Variants in CIMAP2 observed in about 807,000 individuals in gnomAD.
The protein encoded by CIMAP2 is ciliary microtubule associated protein 2.
chr1:54,826,388 G>T, the CIMAP2 span, among the ~76,000 whole-genome samples: 1 of 152,178 alleles, frequency 6.6e-6, no homozygotes. Context: ...CGCACTGCTG[G>T]GTCCAGCTGG....
At chr1:54,827,365 T>C in the CIMAP2 span, among the ~76,000 whole-genome samples, 1 of 152,220 alleles carries the variant, frequency 6.6e-6, no homozygotes, top group Non-Finnish European at 1.5e-5. Context: ...GTCTATATGC[T>C]GTTTGCTTAG....
chr1:54,811,766 C>CGGGCGGGG, the CIMAP2 span: 2 of 1,305,186 alleles, frequency 1.5e-6, no homozygotes, highest in Non-Finnish European at 2.2e-6. Flanking sequence ...GTTCTGACAG[C>CGGGCGGGG]CTCCATGCCC....
At chr1:54,841,780 A>AT in the CIMAP2 span, 12 of 1,603,264 alleles carry the variant, frequency 7.5e-6, no homozygotes, top group Admixed American at 8.6e-5. Flanking sequence ...TCCTTTTTTA[A>AT]TTTTTTCTGT....
At chr1:54,811,773 G>GTCCCC in the CIMAP2 span, 9 of 1,325,052 alleles carry the variant, frequency 6.8e-6, no homozygotes, top group South Asian at 2.6e-5. Flanking sequence ...CAGCCTCCAT[G>GTCCCC]CCCCCACCCC....
the CIMAP2 span, chr1:54,806,282 A>G: frequency 4.2e-6 from 6 of 1,422,788 alleles, no homozygotes; most frequent in Non-Finnish European, 5.5e-6. Context: ...GCCCACCCCG[A>G]AGCCACGCTT....
chr1:54,840,708 GAAT>G, the CIMAP2 span, among the ~76,000 whole-genome samples: 1 of 152,174 alleles, frequency 6.6e-6, no homozygotes, highest in Non-Finnish European at 1.5e-5. Flanking sequence ...ATTATGGTTT[GAAT>G]TTGCATTTCT....
chr1:54,839,634 T>C, the CIMAP2 span, among the ~76,000 whole-genome samples: 1 of 152,130 alleles, frequency 6.6e-6, no homozygotes, highest in African/African-American at 2.4e-5. Context: ...TGCCTTGGCC[T>C]CCCAAAGTGC....
At chr1:54,836,531 G>T in the CIMAP2 span, among the ~76,000 whole-genome samples, 3 of 151,890 alleles carry the variant, frequency 2.0e-5, no homozygotes, top group Non-Finnish European at 4.4e-5. Context: ...TGGGGGTAGG[G>T]GGTGGGGGAG....
chr1:54,820,270 C>G, the CIMAP2 span, among the ~76,000 whole-genome samples: 1 of 151,764 alleles, frequency 6.6e-6, no homozygotes, highest in African/African-American at 2.4e-5. Flanking sequence ...CAGGCTCAAG[C>G]AATTCCCCAA....
the CIMAP2 span, among the ~76,000 whole-genome samples, chr1:54,822,575 C>CT: frequency 6.6e-6 from 1 of 152,128 alleles, no homozygotes; most frequent in Admixed American, 6.5e-5. Flanking sequence ...GTTAGCACTG[C>CT]TTTTGCTGTA....
chr1:54,808,337 C>A, the CIMAP2 span, among the ~76,000 whole-genome samples: 2 of 152,162 alleles, frequency 1.3e-5, no homozygotes, highest in African/African-American at 2.4e-5. Flanking sequence ...GTAGTCAGGG[C>A]TCTGGGAGGA....
the CIMAP2 span, among the ~76,000 whole-genome samples, chr1:54,841,051 T>C: frequency 1.5e-4 from 23 of 152,188 alleles, no homozygotes; most frequent in African/African-American, 5.5e-4. Flanking sequence ...TGGTGAGGAA[T>C]GGAGAGACAG....
chr1:54,807,083 G>A, the CIMAP2 span: 5 of 1,612,804 alleles, frequency 3.1e-6, no homozygotes, highest in South Asian at 3.3e-5. Context: ...CTACCCAAGT[G>A]GTGAGTTTGC....
the CIMAP2 span, chr1:54,806,122 G>A: frequency 1.9e-6 from 3 of 1,538,730 alleles, no homozygotes; most frequent in Non-Finnish European, 2.6e-6. Context: ...CTGCCATGAG[G>A]GAAAGCCAGG....
chr1:54,807,065 G>T, the CIMAP2 span: 14 of 1,613,722 alleles, frequency 8.7e-6, no homozygotes, highest in South Asian at 1.4e-4. Context: ...CATACTCCAC[G>T]CGTTATTCTA....
chr1:54,837,568 C>A, the CIMAP2 span, among the ~76,000 whole-genome samples: 4 of 152,122 alleles, frequency 2.6e-5, no homozygotes, highest in Non-Finnish European at 5.9e-5. Context: ...TGAGGCGCCT[C>A]TTCTTCATGG....
At chr1:54,840,695 T>C in the CIMAP2 span, among the ~76,000 whole-genome samples, 1 of 152,342 alleles carries the variant, frequency 6.6e-6, no homozygotes, top group South Asian at 2.1e-4. Flanking sequence ...AATAGTATAT[T>C]TCATTATGGT....
chr1:54,811,766 C>CCGGGGGGGGGGCG, the CIMAP2 span: 6 of 1,305,178 alleles, frequency 4.6e-6, no homozygotes, highest in Non-Finnish European at 6.5e-6. Context: ...GTTCTGACAG[C>CCGGGGGGGGGGCG]CTCCATGCCC....
chr1:54,816,985 G>A, the CIMAP2 span: 1 of 1,614,050 alleles, frequency 6.2e-7, no homozygotes, highest in African/African-American at 1.3e-5. Flanking sequence ...TCTCCCTGTT[G>A]CAGAACCCAG....
Sources: allele counts gnomAD v4.1 joint callset (sites outside exome capture counted in the v4.1 genomes callset), GRCh38; gene constraint gnomAD v4.1.1; transcripts MANE v1.5; gene names NCBI Gene and HGNC (gene_info 2026-07-23, HGNC 2026-07-21).